Variants in FAM81A observed in about 807,000 individuals in gnomAD.
FAM81A encodes family with sequence similarity 81 member A.
A neutral mutation model predicts 46.7 loss-of-function variants in FAM81A; 19 were observed. The observed-to-expected ratio is 0.41, with a 90% CI of 0.28 to 0.60. The LOEUF is 0.60. Among genes scored for constraint, FAM81A ranks in the 20% least tolerant of loss-of-function variants. The pLI is 0.34. For synonymous variants in FAM81A, 183 were observed against 152.9 expected (o/e 1.20, Z -1.45); for missense variants, 377 against 453.5 (o/e 0.83, Z 1.53).
chr15:59,440,332 G>A (rs1457931582), intron 1 of FAM81A, among the ~76,000 whole-genome samples: 1 of 152,100 alleles, frequency 6.6e-6, no homozygotes, highest in Non-Finnish European at 1.5e-5. Context: ...AACCCCAAAA[G>A]GAGGAGCAGC....
chr15:59,441,382 C>G (rs1259648629), intron 1 of FAM81A, among the ~76,000 whole-genome samples: 1 of 152,232 alleles, frequency 6.6e-6, no homozygotes, highest in African/African-American at 2.4e-5. Context: ...ACATGTGGCT[C>G]TTAAGCACAC....
rs188473309 is a variant in FAM81A, at chr15:59,426,665, C to T, written c.-78+24307C>T. ...AATACATGTACTCAGTTTATAAAAT[C>T]AAACTTGCTTATACTGATGTTTCTT... On this transcript the variant is annotated intron_variant, in intron 2 of 4. Transcript: ENST00000558348. Among the ~76,000 whole-genome samples, 309 of 152,290 alleles carry T rather than the reference C, an allele frequency of 2.0e-3. 9 individuals carry two copies. Among genetic ancestry groups the T allele is most frequent in the Admixed American group, 0.018 (271 of 15,300 alleles).
intron 1 of FAM81A, chr15:59,401,898 G>T: frequency 2.6e-6 from 2 of 761,454 alleles, no homozygotes; most frequent in South Asian, 2.7e-5. Context: ...TGCCTTCTTT[G>T]AACATTCATG....
chr15:59,437,381 C>G (rs1198084385), upstream of FAM81A, among the ~76,000 whole-genome samples: 1 of 145,602 alleles, frequency 6.9e-6, no homozygotes, highest in Non-Finnish European at 1.5e-5. Context: ...CGCTGAAATC[C>G]TGCCCACCGA....
upstream of FAM81A, among the ~76,000 whole-genome samples, chr15:59,437,671 C>A (rs1596469904): frequency 6.6e-6 from 1 of 151,970 alleles, no homozygotes; most frequent in Admixed American, 6.5e-5. Context: ...GTCACCGTGG[C>A]CTAATCAAAT....
intron 4 of FAM81A, among the ~76,000 whole-genome samples, chr15:59,493,831 G>T (rs527830167): frequency 6.6e-6 from 1 of 152,012 alleles, no homozygotes; most frequent in Non-Finnish European, 1.5e-5. Flanking sequence ...CAGGTGATCC[G>T]CCCACCTCGG....
chr15:59,501,788 A>T (rs1323919535), intron 4 of FAM81A, among the ~76,000 whole-genome samples: 2 of 152,230 alleles, frequency 1.3e-5, no homozygotes, highest in Admixed American at 1.3e-4. Context: ...GAATGAGTAC[A>T]TTATTGTTCA....
At chr15:59,421,242 G>A (rs1405280857) in intron 2 of FAM81A, among the ~76,000 whole-genome samples, 1 of 152,186 alleles carries the variant, frequency 6.6e-6, no homozygotes, top group Non-Finnish European at 1.5e-5. Context: ...CAATGTTCTA[G>A]GTAGAATTGG....
chr15:59,433,163 A>AG (rs2081228555), intron 2 of FAM81A, among the ~76,000 whole-genome samples: 6 of 73,266 alleles, frequency 8.2e-5, no homozygotes, highest in Non-Finnish European at 2.0e-4. Flanking sequence ...AAAAAAAAAA[A>AG]AAATCAAAAT....
At chr15:59,500,003 C>G (rs1187692313) in intron 4 of FAM81A, among the ~76,000 whole-genome samples, 1 of 152,068 alleles carries the variant, frequency 6.6e-6, no homozygotes, top group East Asian at 1.9e-4. Flanking sequence ...CAGGCGTGCA[C>G]CACCACACCT....
intron 6 of FAM81A, among the ~76,000 whole-genome samples, chr15:59,509,906 G>C (rs1372914905): frequency 5.3e-5 from 8 of 152,106 alleles, no homozygotes; most frequent in African/African-American, 1.9e-4. Context: ...GTGATTTTTT[G>C]TGACAGCAAT....
At chr15:59,492,803 C>T (rs1447183658) in intron 4 of FAM81A, among the ~76,000 whole-genome samples, 1 of 152,140 alleles carries the variant, frequency 6.6e-6, no homozygotes, top group Non-Finnish European at 1.5e-5. Context: ...GAAAAAAGAT[C>T]TTTCTTCTCA....
rs548132011 is a variant in FAM81A, at chr15:59,499,781, T to G, written c.413+7392T>G. Among the ~76,000 whole-genome samples, 4 of 152,268 alleles carry G rather than the reference T, an allele frequency of 2.6e-5. No homozygotes were observed. The South Asian group carries it at 8.3e-4, about 32-fold the overall frequency. On this transcript the variant is annotated intron_variant, in intron 4 of 8. Coordinates refer to ENST00000288228, the MANE Select transcript of FAM81A (RefSeq NM_152450.3). ...TTTCTGATGAAAAATTAGCTATTAA[T>G]ATTATTCTAGTTCCCTTGTATGTGA...
intron 3 of FAM81A, among the ~76,000 whole-genome samples, chr15:59,471,397 T>G (rs2081687238): frequency 6.6e-6 from 1 of 152,214 alleles, no homozygotes; most frequent in South Asian, 2.1e-4. Flanking sequence ...GTTTCTTCTC[T>G]TAAAGTCTGT....
chr15:59,451,021 G>A (rs145907478), intron 1 of FAM81A, among the ~76,000 whole-genome samples: 1 of 152,308 alleles, frequency 6.6e-6, no homozygotes, highest in Non-Finnish European at 1.5e-5. Context: ...GACAAGGATG[G>A]TGTTGTGGGG....
intron 1 of FAM81A, among the ~76,000 whole-genome samples, chr15:59,400,248 C>T (rs918809439): frequency 4.7e-5 from 7 of 148,176 alleles, no homozygotes; most frequent in Admixed American, 2.0e-4. Flanking sequence ...AATACCAGAG[C>T]GAGAAAGTCA....
chr15:59,502,637 C>T (rs1383426194), intron 4 of FAM81A, among the ~76,000 whole-genome samples: 2 of 151,786 alleles, frequency 1.3e-5, no homozygotes, highest in Non-Finnish European at 2.9e-5. Flanking sequence ...CTTCAGCCTC[C>T]CGAGTAGCTG....
rs2081539934 is a variant in FAM81A at position 59,460,565 on chromosome 15, G to C, written c.294+359G>C. ...GACAGCTATTAAGTCAATTACTAAG[G>C]TCAGACTCTGTTGCTTCAGATTAAA... On this transcript the variant is annotated intron_variant, in intron 3 of 8. Transcript: ENST00000288228. The surrounding 1 kb of genome is among the most constrained non-coding windows in gnomAD (Gnocchi z 4.4). The C allele has an allele frequency of 5.5e-6, 2 of 365,190 alleles. No individual in the cohort carries two copies. The highest frequency in any genetic ancestry group is 1.1e-5 in the Non-Finnish European group (2 of 190,152). The allele number at this position is 365,190 out of a possible 1,614,324, so 22.6% of individuals were successfully genotyped here.
intron 5 of FAM81A, among the ~76,000 whole-genome samples, chr15:59,508,459 G>A (rs990735757): frequency 2.0e-5 from 3 of 152,220 alleles, no homozygotes; most frequent in African/African-American, 7.2e-5. Flanking sequence ...GACTTGTTAT[G>A]GAGGTAAATC....
Sources: allele counts gnomAD v4.1 joint callset (sites outside exome capture counted in the v4.1 genomes callset), GRCh38; gene constraint gnomAD v4.1.1; non-coding constraint Gnocchi (gnomAD v3.1); transcripts MANE v1.5; gene names NCBI Gene and HGNC (gene_info 2026-07-23, HGNC 2026-07-21).